DCAF10: variants seen among roughly 807,000 people sequenced by gnomAD.
DCAF10 encodes the protein DDB1 and CUL4 associated factor 10, also known as DDB1- and CUL4-associated factor 10.
A neutral mutation model predicts 51.9 loss-of-function variants in DCAF10; 19 were observed. The ratio of observed to expected loss-of-function variants is 0.37; its 90% confidence interval spans 0.26 to 0.54. The LOEUF is 0.54. Among genes scored for constraint, DCAF10 ranks in the 20% least tolerant of loss-of-function variants. DCAF10 has a pLI of 0.87. For synonymous variants in DCAF10, 291 were observed against 297.1 expected (o/e 0.98, Z 0.21); for missense variants, 510 against 730.6 (o/e 0.70, Z 3.48).
At chr9:37,814,080 CTATATATA>C (rs58660288) in intron 1 of DCAF10, among the ~76,000 whole-genome samples, 752 of 47,030 alleles carry the variant, frequency 0.016, 13 homozygotes, top group South Asian at 0.044. Flanking sequence ...CTATTTGTCA[CTATATATA>C]TATATATATA....
intron 3 of DCAF10, among the ~76,000 whole-genome samples, chr9:37,850,165 G>A (rs1830592311): frequency 6.6e-6 from 1 of 152,166 alleles, no homozygotes; most frequent in Non-Finnish European, 1.5e-5. Flanking sequence ...GAAATTATCA[G>A]AATTAGTAAG....
intron 3 of DCAF10, among the ~76,000 whole-genome samples, chr9:37,845,364 A>G (rs1830445106): frequency 1.3e-5 from 2 of 152,238 alleles, no homozygotes; most frequent in African/African-American, 4.8e-5. Context: ...TCAAGAGAAA[A>G]AAGACATAAA....
intron 3 of DCAF10, among the ~76,000 whole-genome samples, chr9:37,852,052 A>G (rs1830666659): frequency 6.6e-6 from 1 of 152,148 alleles, no homozygotes; most frequent in Non-Finnish European, 1.5e-5. Context: ...TTGGAAAGTC[A>G]AATGAATCCC....
At chr9:37,860,307 G>T in intron 6 of DCAF10, 114 bp downstream of exon 6, 2 of 1,353,052 alleles carry the variant, frequency 1.5e-6, no homozygotes, top group South Asian at 1.4e-5. Flanking sequence ...AGGGCATACT[G>T]CTAGAGATCC....
chr9:37,804,196 C>T (rs1477067967), intron 1 of DCAF10, among the ~76,000 whole-genome samples: 2 of 139,154 alleles, frequency 1.4e-5, no homozygotes, highest in Non-Finnish European at 3.0e-5. Context: ...GATTTAGTAA[C>T]ACAGAGCATA....
intron 3 of DCAF10, among the ~76,000 whole-genome samples, chr9:37,851,960 A>G (rs567861136): frequency 1.8e-4 from 27 of 152,198 alleles, no homozygotes; most frequent in African/African-American, 5.8e-4. Context: ...GCTCTAAAAG[A>G]ATAGGGAAAA....
chr9:37,800,896 AG>A lies in DCAF10; in HGVS notation c.34del (p.Asp12ThrfsTer60). ...TTCCCTTTGGGCCCCATAGCCCTGGAGGGGACGGATCGGCCGGAGCCGGGGC... is the reference window on the plus strand; with the variant it reads ...TTCCCTTTGGGCCCCATAGCCCTGGAGGGACGGATCGGCCGGAGCCGGGGC... Reference protein sequence around the residue: MFPFGPHSPGGDGSAGAGAEE... With the variant: MFPFGPHSPGXDGSAGAGAEE... On this transcript the variant is annotated frameshift_variant, in exon 1 of 7. Transcript: ENST00000377724. LOFTEE classifies it high-confidence loss of function. 6.7e-7 allele frequency: 1 copy of A among 1,498,456 alleles called. No homozygotes were observed. The allele number at this position is 1,498,456 out of a possible 1,614,324, so 92.8% of individuals were successfully genotyped here.
rs970019968 is a variant in DCAF10 at position 37,863,145 on chromosome 9, G to C, written c.*1637G>C. Reference sequence around the variant, plus strand: ...GTTCGAGACCAGCCTGACCAACATGGTGAAACGCCATCTCTACTAAAAATA... The same window carrying C: ...GTTCGAGACCAGCCTGACCAACATGCTGAAACGCCATCTCTACTAAAAATA... On this transcript the variant is annotated 3_prime_UTR_variant, in exon 7 of 7. Transcript: ENST00000377724. The C allele has an allele frequency of 4.0e-5, 6 of 151,818 alleles. No individual in the cohort carries two copies. Among genetic ancestry groups the C allele is most frequent in the African/African-American group, 1.5e-4 (6 of 41,266 alleles). The allele number at this position is 151,818 out of a possible 1,614,324, so 9.4% of individuals were successfully genotyped here. A position where few individuals can be genotyped will look rare whatever the true frequency, so the allele number is the denominator to read the frequency against.
In DCAF10 at chr9:37,866,365, C is replaced by A. The variant is rs1374713975; in HGVS notation, c.*4857C>A. On this transcript the variant is annotated 3_prime_UTR_variant, in exon 7 of 7. Transcript: ENST00000377724. ...GTATCCAGCTCTGATGTATGTAAAA[C>A]ACTTCATAAAATGTAAAGGGCTATA... 6.6e-6 allele frequency: 1 copy of A among 152,552 alleles called. No homozygotes were observed. Among genetic ancestry groups the A allele is most frequent in the Admixed American group, 6.5e-5 (1 of 15,272 alleles). 9.4% of individuals were successfully genotyped at this position (152,552 alleles called of 1,614,324 possible). A position where few individuals can be genotyped will look rare whatever the true frequency, so the allele number is the denominator to read the frequency against.
intron 4 of DCAF10, among the ~76,000 whole-genome samples, chr9:37,855,418 A>G (rs1191879000): frequency 6.6e-6 from 1 of 152,220 alleles, no homozygotes; most frequent in Admixed American, 6.5e-5. Context: ...GTCCAGACAC[A>G]GGTAGCTGGT....
intron 1 of DCAF10, 129 bp from the exon 2 acceptor site, chr9:37,819,159 C>T (rs1829631937): frequency 1.6e-6 from 1 of 638,100 alleles, no homozygotes; most frequent in Middle Eastern, 3.4e-4. Flanking sequence ...ATCTTTTAAA[C>T]ATTTGCTACT....
intron 2 of DCAF10, among the ~76,000 whole-genome samples, chr9:37,825,660 G>A (rs777418579): frequency 3.3e-5 from 5 of 152,124 alleles, no homozygotes; most frequent in South Asian, 2.1e-4. Flanking sequence ...TAATCTGTAC[G>A]GCAAACCTCT....
At chr9:37,833,963 T>C (rs1830075524) in intron 2 of DCAF10, among the ~76,000 whole-genome samples, 1 of 152,168 alleles carries the variant, frequency 6.6e-6, no homozygotes, top group East Asian at 1.9e-4. Context: ...CCAAAGTTTT[T>C]TTTGTTTGCT....
At chr9:37,827,826 T>G (rs868151229) in intron 2 of DCAF10, among the ~76,000 whole-genome samples, 1 of 152,192 alleles carries the variant, frequency 6.6e-6, no homozygotes, top group Non-Finnish European at 1.5e-5. Flanking sequence ...AAAGGTGATC[T>G]AGAGATAAAC....
At chr9:37,804,908 T>C (rs996700977) in intron 1 of DCAF10, among the ~76,000 whole-genome samples, 4 of 152,164 alleles carry the variant, frequency 2.6e-5, no homozygotes, top group African/African-American at 9.7e-5. Context: ...ACCCTCAGTC[T>C]AGATTTATAC....
At chr9:37,831,365 T>A (rs1027075807) in intron 2 of DCAF10, among the ~76,000 whole-genome samples, 11 of 152,320 alleles carry the variant, frequency 7.2e-5, no homozygotes, top group African/African-American at 2.6e-4. Flanking sequence ...CATTACTTAA[T>A]CCTCACAGTA....
intron 1 of DCAF10, among the ~76,000 whole-genome samples, chr9:37,814,524 C>T (rs914847490): frequency 3.3e-5 from 5 of 151,860 alleles, no homozygotes; most frequent in Admixed American, 1.3e-4. Context: ...AAGTGATCCT[C>T]CTGCCTCAGC....
chr9:37,816,879 C>T (rs1829555954), intron 1 of DCAF10, among the ~76,000 whole-genome samples: 1 of 152,048 alleles, frequency 6.6e-6, no homozygotes, highest in Non-Finnish European at 1.5e-5. Context: ...AATAAAATTT[C>T]AACAAAATTT....
At chr9:37,816,690 G>GTA (rs1210249070) in intron 1 of DCAF10, among the ~76,000 whole-genome samples, 2 of 151,540 alleles carry the variant, frequency 1.3e-5, no homozygotes, top group African/African-American at 4.8e-5. Context: ...GTGTGTGTGT[G>GTA]TATACATAAA....
Sources: allele counts gnomAD v4.1 joint callset (sites outside exome capture counted in the v4.1 genomes callset), GRCh38; gene constraint gnomAD v4.1.1; transcripts MANE v1.5; gene names NCBI Gene and HGNC (gene_info 2026-07-23, HGNC 2026-07-21).